AK8: variants seen among roughly 807,000 people sequenced by gnomAD.
AK8 encodes adenylate kinase 8, also known as ATP-AMP transphosphorylase 8.
A neutral mutation model predicts 54.6 loss-of-function variants in AK8; 44 were observed. The ratio of observed to expected loss-of-function variants is 0.81; its 90% CI spans 0.63 to 1.04. The LOEUF (loss-of-function observed/expected upper bound fraction) is 1.04. AK8 is among the 50% of genes least tolerant of loss of function. AK8 has a pLI of 0.00. For missense variants in AK8, 555 were observed against 613.6 expected (o/e 0.90, Z 1.01); for synonymous variants, 239 against 245.6 (o/e 0.97, Z 0.25).
At chr9:132,778,683 T>C (rs1346518738) in intron 11 of AK8, among the ~76,000 whole-genome samples, 1 of 152,166 alleles carries the variant, frequency 6.6e-6, no homozygotes, top group Admixed American at 6.5e-5. Flanking sequence ...TACATCAAAT[T>C]AGGGAGCTCT....
Position 132,826,554 on chromosome 9 carries a change from A to C in AK8, c.757+300T>G, listed in dbSNP as rs2131301971. 2.7e-5 allele frequency among the ~76,000 whole-genome samples: 4 copies of C among 148,508 alleles called. No individual in the cohort carries two copies. Among genetic ancestry groups the C allele is most frequent in the African/African-American group, 1.0e-4 (4 of 40,102 alleles). Reference sequence around the variant, plus strand: ...AACTTCTTGCTACCATGTCCCTCCCACCCCATCCCTTGCCTCTCCTCCTCC... The same window carrying C: ...AACTTCTTGCTACCATGTCCCTCCCCCCCCATCCCTTGCCTCTCCTCCTCC... On this transcript the variant is annotated intron_variant, in intron 8 of 12. Transcript: ENST00000298545. This position sits in a 1 kb window ranked among gnomAD's most constrained non-coding sequence, Gnocchi z 4.5.
intron 11 of AK8, among the ~76,000 whole-genome samples, chr9:132,736,966 G>A (rs141246337): frequency 1.1e-4 from 16 of 152,114 alleles, no homozygotes; most frequent in Non-Finnish European, 2.1e-4. Context: ...GGCTTCCAGG[G>A]GCAGGGGGAA....
chr9:132,790,345 G>C lies in AK8; in HGVS notation c.1121+2289C>G, dbSNP rs2131160383. On this transcript the variant is annotated intron_variant, in intron 11 of 12. Transcript: ENST00000298545. This position sits in a 1 kb window ranked among gnomAD's most constrained non-coding sequence, Gnocchi z 4.1. ...AGCTCACTGCAAACTCCGCCTCCTG[G>C]GTTCACACCATTCTCCTGCCTCAGA... Among the ~76,000 whole-genome samples, 1 of 152,054 alleles carries C rather than the reference G, an allele frequency of 6.6e-6. No individual in the cohort carries two copies. Among genetic ancestry groups the C allele is most frequent in the East Asian group, 1.9e-4 (1 of 5,164 alleles).
At chr9:132,795,522 C>T (rs964413458) in intron 10 of AK8, among the ~76,000 whole-genome samples, 19 of 152,192 alleles carry the variant, frequency 1.2e-4, no homozygotes, top group Admixed American at 1.2e-3. Flanking sequence ...GCCATAGAGC[C>T]TTCCAGTCCA....
At chr9:132,823,904 C>T (rs1396279768) in intron 8 of AK8, among the ~76,000 whole-genome samples, 3 of 152,234 alleles carry the variant, frequency 2.0e-5, no homozygotes, top group African/African-American at 7.2e-5. Context: ...TGCAGCTGCA[C>T]TCTGGTGACA....
chr9:132,863,660 C>A lies in AK8; in HGVS notation c.333+5G>T. The A allele has an allele frequency of 6.2e-7, 1 of 1,608,048 alleles. No individual in the cohort carries two copies. The highest frequency in any genetic ancestry group is 8.5e-7 in the Non-Finnish European group (1 of 1,175,288). ...GCCTACCCCTGTCCCCGGGGCCAGT[C>A]CTACCTTCCTTTGCAGATAAAGCCT... On this transcript the variant is annotated splice_donor_5th_base_variant and intron_variant, in intron 4 of 12. Transcript: ENST00000298545.
intron 11 of AK8, among the ~76,000 whole-genome samples, chr9:132,736,809 A>G (rs1837142169): frequency 6.6e-6 from 1 of 151,756 alleles, no homozygotes; most frequent in East Asian, 1.9e-4. Context: ...AAAAGGCATA[A>G]AATTTTGACA....
At chr9:132,737,191 A>T (rs1436277752) in intron 11 of AK8, among the ~76,000 whole-genome samples, 1 of 152,206 alleles carries the variant, frequency 6.6e-6, no homozygotes, top group African/African-American at 2.4e-5. Flanking sequence ...TAGACATTAC[A>T]ATGAAGGCAA....
rs866430362 is a variant in AK8 at position 132,745,276 on chromosome 9, G to A, written c.1122-17742C>T. Among the ~76,000 whole-genome samples, 47 of 152,324 alleles carry A rather than the reference G, an allele frequency of 3.1e-4. 2 individuals are homozygous for A. Among genetic ancestry groups the A allele is most frequent in the Middle Eastern group, 3.4e-3 (1 of 294 alleles). ...TTAGTTGATTTGATGGGATGAGGAC[G>A]TACAAAATGCATTTAACTAATGGGG... On this transcript the variant is annotated intron_variant, in intron 11 of 12. Coordinates refer to ENST00000298545, the MANE Select transcript of AK8 (RefSeq NM_152572.3).
At chr9:132,847,589 CTAA>C (rs1034255243) in intron 5 of AK8, among the ~76,000 whole-genome samples, 2 of 152,162 alleles carry the variant, frequency 1.3e-5, no homozygotes, top group Non-Finnish European at 2.9e-5. Context: ...TCCTGGGCAA[CTAA>C]GGTACAATTA....
At chr9:132,845,278 T>C (rs1391358611) in intron 5 of AK8, among the ~76,000 whole-genome samples, 3 of 152,232 alleles carry the variant, frequency 2.0e-5, no homozygotes, top group African/African-American at 4.8e-5. Context: ...TATAATACAA[T>C]GTAATCACAT....
chr9:132,804,838 T>C lies in AK8; in HGVS notation c.979+9800A>G, dbSNP rs544539164. Among the ~76,000 whole-genome samples the C allele has an allele frequency of 4.3e-4, 66 of 152,218 alleles. 1 individual carries two copies. The highest frequency in any genetic ancestry group is 3.7e-3 in the Admixed American group (57 of 15,288). ...CAAGTCCCACCTCCCTGATCATAAG[T>C]GTAGAGGCTGCAGAGGGTCACTGGG... On this transcript the variant is annotated intron_variant, in intron 10 of 12. Transcript: ENST00000298545.
chr9:132,754,237 G>A (rs1032920714), intron 11 of AK8, among the ~76,000 whole-genome samples: 10 of 152,186 alleles, frequency 6.6e-5, no homozygotes, highest in African/African-American at 2.2e-4. Context: ...AAGTACCTCC[G>A]CCACAAGCAA....
chr9:132,773,536 T>G (rs1839073345), intron 11 of AK8, among the ~76,000 whole-genome samples: 1 of 152,244 alleles, frequency 6.6e-6, no homozygotes, highest in South Asian at 2.1e-4. Context: ...TTTTGTTTCC[T>G]TTTGAGTCCC....
upstream of AK8, chr9:132,878,431 G>A (rs1844260012): frequency 9.7e-6 from 12 of 1,231,868 alleles, no homozygotes; most frequent in Non-Finnish European, 1.1e-5. The surrounding 1 kb of genome is among the most constrained non-coding windows in gnomAD (Gnocchi z 4.7). Context: ...GCGCTCTGCG[G>A]CTCGGGCAAG....
intron 11 of AK8, among the ~76,000 whole-genome samples, chr9:132,733,157 G>C (rs1038333424): frequency 6.6e-6 from 1 of 152,042 alleles, no homozygotes; most frequent in Non-Finnish European, 1.5e-5. Context: ...GAAAAGCCAC[G>C]TCCTCCTTGC....
chr9:132,798,152 G>A (rs1840265744), intron 10 of AK8, among the ~76,000 whole-genome samples: 1 of 152,166 alleles, frequency 6.6e-6, no homozygotes, highest in South Asian at 2.1e-4. Context: ...TGAGGCTACC[G>A]ACCTTTCCCA....
chr9:132,814,989 A>G (rs796910858), intron 9 of AK8, among the ~76,000 whole-genome samples: 2 of 152,366 alleles, frequency 1.3e-5, no homozygotes, highest in African/African-American at 4.8e-5. Context: ...CGTGGGGAAG[A>G]CACTAACGAG....
At chr9:132,858,472 T>C (rs552327493) in intron 4 of AK8, among the ~76,000 whole-genome samples, 1 of 152,308 alleles carries the variant, frequency 6.6e-6, no homozygotes, top group East Asian at 1.9e-4. Context: ...TGTGTCAACA[T>C]GGTGAGTGAT....
Sources: gnomAD v4.1 joint callset for allele counts (sites outside exome capture counted in the v4.1 genomes callset) on GRCh38, gnomAD v4.1.1 for gene constraint, Gnocchi (gnomAD v3.1) non-coding constraint, MANE v1.5 for transcripts, NCBI Gene and HGNC (gene_info 2026-07-23, HGNC 2026-07-21) for gene names.